NR4A1: variants seen among roughly 807,000 people sequenced by gnomAD.
The protein encoded by NR4A1 is nuclear receptor subfamily 4immunitygroup A member 1.
In NR4A1, 24 loss-of-function variants were observed where a neutral mutation model predicts 47.5. The ratio of observed to expected loss-of-function variants is 0.50; its 90% CI spans 0.37 to 0.71. The LOEUF (loss-of-function observed/expected upper bound fraction) is 0.71, where lower values mean the gene tolerates loss of function less well. NR4A1 is among the 30% of genes least tolerant of loss of function. NR4A1 has a pLI of 0.00. For synonymous variants in NR4A1, 353 were observed against 345.7 expected (o/e 1.02, Z -0.24); for missense variants, 669 against 788.6 (o/e 0.85, Z 1.82).
At chr12:52,042,040 G>T in intron 2 of NR4A1, 1 of 1,192,982 alleles carries the variant, frequency 8.4e-7, no homozygotes, top group Non-Finnish European at 1.1e-6. Flanking sequence ...TGGAGGGGAA[G>T]CCCTGGGGAG....
At position 52,029,887 on chromosome 12, in the gene NR4A1, C is replaced by T. The variant is rs371555757; in HGVS notation, c.-84+6948C>T. Among the ~76,000 whole-genome samples the T allele has an allele frequency of 6.4e-4, 97 of 152,344 alleles. No individual in the cohort carries two copies. The South Asian group carries it at 9.5e-3, about 15-fold the overall frequency. ...GCTCCCCTGGTGAGAGCAGGAGCAG[C>T]GTTACTTAGCAACAGGCACAGCACA... On this transcript the variant is annotated intron_variant, in intron 1 of 7. Transcript: ENST00000360284.
chr12:52,056,580 C>T lies in NR4A1; in HGVS notation c.1093C>T (p.Leu365Phe), dbSNP rs1394939822. The change falls in exon 4 of 7, where the codon CTC becomes TTC. Residue 365 changes from leucine to phenylalanine, a missense_variant. Physicochemically the swap from Leu to Phe is conservative, Grantham distance 22. Coordinates refer to ENST00000394825, the MANE Select transcript of NR4A1 (RefSeq NM_173157.3). ...CCCAGATGCCTCCCCTGCCAATCTC[C>T]TCACTTCCCTGGTCCGTGCACACCT... The part of the protein sequence containing the change: ...QPPDASPANL[L>F]TSLVRAHLDS... The T allele has an allele frequency of 6.2e-7, 1 of 1,613,708 alleles. No individual in the cohort carries two copies. Among genetic ancestry groups the T allele is most frequent in the East Asian group, 2.2e-5 (1 of 44,836 alleles).
At chr12:52,039,321 C>T (rs1442561446) in intron 1 of NR4A1, among the ~76,000 whole-genome samples, 1 of 152,214 alleles carries the variant, frequency 6.6e-6, no homozygotes, top group Non-Finnish European at 1.5e-5. Context: ...CCACCAGGAC[C>T]TGTCACGCAG....
At chr12:52,036,293 A>T (rs2120940828) in intron 1 of NR4A1, among the ~76,000 whole-genome samples, 1 of 152,010 alleles carries the variant, frequency 6.6e-6, no homozygotes, top group East Asian at 1.9e-4. Context: ...TTACCATGGA[A>T]GCCTGGGCCT....
rs1027341500 is a variant in NR4A1 at position 52,056,880 on chromosome 12, C to G, written c.1159-177C>G. The G allele has an allele frequency of 9.9e-6, 8 of 805,038 alleles. No individual in the cohort carries two copies. In the Admixed American group the frequency reaches 2.3e-4, roughly 24 times the overall value. The allele number at this position is 805,038 out of a possible 1,614,324, so 49.9% of individuals were successfully genotyped here. A position where few individuals can be genotyped will look rare whatever the true frequency, so the allele number is the denominator to read the frequency against. ...AGGTGGCCAATTAGAAAAATATGTC[C>G]TTTTGGCAGCTGCAGCCCTGGGTTA... is the stretch of plus-strand genomic sequence containing the variant. On this transcript the variant is annotated intron_variant, in intron 4 of 6. Coordinates refer to ENST00000394825, the MANE Select transcript of NR4A1 (RefSeq NM_173157.3).
chr12:52,048,991 C>G (rs549580803), upstream of NR4A1, among the ~76,000 whole-genome samples: 4 of 152,268 alleles, frequency 2.6e-5, no homozygotes, highest in Admixed American at 2.6e-4. Context: ...TCACATTCAA[C>G]CAGTGGCCTT....
chr12:52,023,288 TCCCTCTCCA>T (rs1937922409), intron 1 of NR4A1, among the ~76,000 whole-genome samples: 1 of 150,514 alleles, frequency 6.6e-6, no homozygotes, highest in Admixed American at 6.6e-5. Context: ...GGCACCGCCC[TCCCTCTCCA>T]CCCTCGCCCA....
chr12:52,029,986 C>G (rs942626271), intron 1 of NR4A1, among the ~76,000 whole-genome samples: 3 of 152,238 alleles, frequency 2.0e-5, no homozygotes, highest in Non-Finnish European at 4.4e-5. Context: ...TGCTGGCCAG[C>G]AGCACACCCC....
At chr12:52,056,364 A>G in intron 3 of NR4A1, 130 bp from the exon 4 acceptor site, 12 of 1,405,390 alleles carry the variant, frequency 8.5e-6, no homozygotes, top group Non-Finnish European at 9.6e-6. Context: ...CCTATAGGGT[A>G]CCTTGGATCT....
At chr12:52,041,542 T>G (rs1402389752) in intron 1 of NR4A1, among the ~76,000 whole-genome samples, 1 of 152,156 alleles carries the variant, frequency 6.6e-6, no homozygotes, top group Non-Finnish European at 1.5e-5. Context: ...AGTTGCTAGA[T>G]GCTGATGTGT....
At chr12:52,031,401 C>G (rs1428565545) in intron 1 of NR4A1, among the ~76,000 whole-genome samples, 1 of 151,698 alleles carries the variant, frequency 6.6e-6, no homozygotes, top group Non-Finnish European at 1.5e-5. Context: ...CTTTGGGAGG[C>G]CGAGGCGGGC....
intron 1 of NR4A1, chr12:52,037,736 C>T: frequency 1.0e-6 from 1 of 985,464 alleles, no homozygotes; most frequent in Non-Finnish European, 1.2e-6. Context: ...GCTGCGGGAA[C>T]CGGTTCCAGG....
Position 52,057,528 on chromosome 12 carries a change from C to T in NR4A1, c.1538C>T (p.Thr513Ile), listed in dbSNP as rs763585182. 6.2e-7 allele frequency: 1 copy of T among 1,613,860 alleles called. No homozygotes were observed. Among genetic ancestry groups the T allele is most frequent in the South Asian group, 1.1e-5 (1 of 91,064 alleles). Residue 513 changes from threonine to isoleucine, a missense_variant and splice_region_variant, in exon 6 of 7, where the codon ACC becomes ATC. Thr to Ile is a moderately conservative substitution (Grantham distance 89). Coordinates refer to ENST00000394825, the MANE Select transcript of NR4A1 (RefSeq NM_173157.3). ...TGCCTCTCTGCCCTTGTCCTCATCACCGGTGAGTGACCAGCACCACACCAG... is the reference window on the plus strand; with the variant it reads ...TGCCTCTCTGCCCTTGTCCTCATCATCGGTGAGTGACCAGCACCACACCAG... Reference protein sequence around the residue: ...FACLSALVLITDRHGLQEPRR... With the variant: ...FACLSALVLIIDRHGLQEPRR...
intron 1 of NR4A1, among the ~76,000 whole-genome samples, chr12:52,040,229 T>C (rs1441163858): frequency 6.6e-6 from 1 of 152,146 alleles, no homozygotes; most frequent in East Asian, 1.9e-4. Flanking sequence ...AGGGGGGCAT[T>C]TTGATCTGGA....
chr12:52,056,729 T>A (rs1939292232), intron 4 of NR4A1, 84 bp downstream of exon 4: 2 of 1,349,816 alleles, frequency 1.5e-6, no homozygotes, highest in Non-Finnish European at 2.0e-6. Context: ...CTACCCCCTC[T>A]GGAAGGACTG....
chr12:52,041,808 A>G lies in NR4A1; in HGVS notation c.-83-2A>G. 17 of 1,382,960 alleles carry G rather than the reference A, an allele frequency of 1.2e-5. No homozygotes were observed. The highest frequency in any genetic ancestry group is 1.9e-5 in the South Asian group (1 of 52,764). The allele number at this position is 1,382,960 out of a possible 1,614,324, so 85.7% of individuals were successfully genotyped here. On this transcript the variant is annotated splice_acceptor_variant, in intron 1 of 7. Transcript: ENST00000360284. LOFTEE classifies it low-confidence loss of function (5UTR_SPLICE). ...TCACTCACATCGACTCTCCCTCTGT[A>G]GGCCTCCACCATGGACAGAGGCCAG...
chr12:52,037,806 A>G (rs865958831), intron 1 of NR4A1: 8 of 984,836 alleles, frequency 8.1e-6, no homozygotes, highest in South Asian at 9.4e-5. Flanking sequence ...GCGTGATGCA[A>G]CCCCTTCGAG....
Position 52,054,511 on chromosome 12 carries a change from A to G in NR4A1, c.183A>G (p.Thr61=), listed in dbSNP as rs1939144411. ...PSFSTFMDGY[T]GEFDTFLYQL... The stretch of plus-strand genomic sequence containing the variant: ...TCAGCACCTTCATGGACGGCTACAC[A>G]GGAGAGTTTGACACCTTCCTCTACC... The change falls in exon 2 of 7, where the codon ACA becomes ACG. Residue 61 remains threonine (T), a synonymous_variant. Transcript: ENST00000394825. 4 of 1,613,756 alleles carry G rather than the reference A, an allele frequency of 2.5e-6. No individual in the cohort carries two copies. Among genetic ancestry groups the G allele is most frequent in the African/African-American group, 2.7e-5 (2 of 74,856 alleles).
chr12:52,029,342 G>C (rs2120917256), intron 1 of NR4A1, among the ~76,000 whole-genome samples: 1 of 152,322 alleles, frequency 6.6e-6, no homozygotes, highest in East Asian at 1.9e-4. Context: ...TGTGCCTGTG[G>C]GTCCTGCAGT....
Sources: gnomAD v4.1 joint callset for allele counts (sites outside exome capture counted in the v4.1 genomes callset) on GRCh38, gnomAD v4.1.1 for gene constraint, MANE v1.5 for transcripts, NCBI Gene and HGNC (gene_info 2026-07-23, HGNC 2026-07-21) for gene names.